Variants in ATP11C observed in about 807,000 individuals in gnomAD.
ATP11C encodes the protein ATPase phospholipid transporting 11C (ATP11C blood group).
Under a neutral mutation model 97.4 loss-of-function variants are expected in ATP11C, and 36 were observed. That is an observed-to-expected ratio of 0.37 (90% confidence interval 0.28 to 0.49). The LOEUF is 0.49. ATP11C is among the 20% of genes least tolerant of loss of function. The pLI, the probability that ATP11C is intolerant of heterozygous loss-of-function variation, is 0.98. For missense variants in ATP11C, 730 were observed against 824.6 expected (o/e 0.89, Z 1.40); for synonymous variants, 275 against 290.9 (o/e 0.95, Z 0.56).
At position 139,750,108 on chromosome X, in the gene ATP11C, GA is replaced by G; in HGVS notation, c.2744del (p.Phe915SerfsTer21). 1 of 1,205,181 alleles carries G rather than the reference GA, an allele frequency of 8.3e-7. No individual in the cohort carries two copies. Among genetic ancestry groups the G allele is most frequent in the Non-Finnish European group, 1.1e-6 (1 of 890,744 alleles). On this transcript the variant is annotated frameshift_variant, in exon 24 of 30. Transcript: ENST00000682941. LOFTEE classifies it high-confidence loss of function. ...AAYLTMYNICFTSLPILAYSL... is the reference protein window; with the variant it reads ...AAYLTMYNICXTSLPILAYSL... ...TATAGGCCAGGATGGGCAAGGATGTGAAGCAGATATTGTACATTGTAAGGTA... is the reference window on the plus strand; with the variant it reads ...TATAGGCCAGGATGGGCAAGGATGTGAGCAGATATTGTACATTGTAAGGTA...
intron 1 of ATP11C, among the ~76,000 whole-genome samples, chrX:139,830,088 C>G (rs759943202): frequency 1.2e-4 from 14 of 112,102 alleles, no homozygotes; most frequent in Non-Finnish European, 2.3e-4. Flanking sequence ...GCAAAAGGAT[C>G]TGAAATAAAG....
chrX:139,828,684 G>T (rs1193777474), intron 1 of ATP11C, among the ~76,000 whole-genome samples: 3 of 112,008 alleles, frequency 2.7e-5, no homozygotes, highest in Non-Finnish European at 5.6e-5. Context: ...ATGAGGCAGG[G>T]TTACCTTTTA....
chrX:139,890,762 T>A (rs959700312), intron 1 of ATP11C, among the ~76,000 whole-genome samples: 3 of 109,351 alleles, frequency 2.7e-5, no homozygotes, highest in Non-Finnish European at 5.7e-5. Context: ...TGGGCAGGAG[T>A]GGGGGGTGTA....
chrX:139,759,480 C>T (rs948308372), intron 22 of ATP11C, among the ~76,000 whole-genome samples: 8 of 111,146 alleles, frequency 7.2e-5, no homozygotes, highest in African/African-American at 2.6e-4. Flanking sequence ...AAAGCTGAGA[C>T]GGTGGAGAGT....
intron 1 of ATP11C, among the ~76,000 whole-genome samples, chrX:139,884,514 G>T (rs911648030): frequency 1.8e-5 from 2 of 111,738 alleles, no homozygotes; most frequent in African/African-American, 6.5e-5. Context: ...ATTTTGATGA[G>T]GTCTTGCTAT....
chrX:139,936,750 G>T (rs893872768), upstream of ATP11C, among the ~76,000 whole-genome samples: 2 of 110,632 alleles, frequency 1.8e-5, no homozygotes, highest in Admixed American at 1.9e-4. Flanking sequence ...TCTCACCATG[G>T]CAAGTGAGCA....
At chrX:139,840,877 G>C (rs1055557682) in intron 1 of ATP11C, among the ~76,000 whole-genome samples, 1 of 110,741 alleles carries the variant, frequency 9.0e-6, no homozygotes, top group East Asian at 2.8e-4. Context: ...GGGTGGGAAG[G>C]GGGTGAGGGA....
chrX:139,797,207 T>G lies in ATP11C; in HGVS notation c.977A>C (p.Gln326Pro). 8.3e-7 allele frequency: 1 copy of G among 1,203,590 alleles called. No homozygotes were observed. The highest frequency in any genetic ancestry group is 1.1e-6 in the Non-Finnish European group (1 of 892,990). Residue 326 changes from glutamine (Q) to proline (P), a missense_variant, in exon 11 of 30, where the codon CAA becomes CCA. Gln to Pro is a moderately conservative substitution (Grantham distance 76). Transcript: ENST00000682941. ...TPYNDEPWYN[Q>P]KTQKERETLK... Reference sequence around the variant, plus strand: ...GGTCTCTCGCTCTTTCTGAGTCTTTTGGTTATACCAAGGTTCATCATTGTA... The same window carrying G: ...GGTCTCTCGCTCTTTCTGAGTCTTTGGGTTATACCAAGGTTCATCATTGTA...
At chrX:139,837,728 T>C (rs370253606) in intron 1 of ATP11C, among the ~76,000 whole-genome samples, 12 of 112,273 alleles carry the variant, frequency 1.1e-4, no homozygotes, top group Admixed American at 2.8e-4. Flanking sequence ...TGAGGACTGA[T>C]AGACCTCAAA....
At chrX:139,861,260 T>C (rs924480053) in intron 1 of ATP11C, among the ~76,000 whole-genome samples, 1 of 110,989 alleles carries the variant, frequency 9.0e-6, no homozygotes, top group Non-Finnish European at 1.9e-5. Flanking sequence ...AGAAAAAGAG[T>C]AGATCTGAGA....
At chrX:139,923,354 AC>A (rs1393398397) in intron 1 of ATP11C, among the ~76,000 whole-genome samples, 1 of 111,356 alleles carries the variant, frequency 9.0e-6, no homozygotes, top group Non-Finnish European at 1.9e-5. Context: ...CTGAATGCCT[AC>A]TGCACTTACT....
chrX:139,862,036 C>T (rs2084208400), intron 1 of ATP11C, among the ~76,000 whole-genome samples: 1 of 111,746 alleles, frequency 8.9e-6, no homozygotes, highest in Non-Finnish European at 1.9e-5. Context: ...TCTGAACAGA[C>T]AAGCCTTGCT....
At position 139,785,808 on chromosome X, in the gene ATP11C, G is replaced by T. The variant is rs943725578; in HGVS notation, c.1593-509C>A. Among the ~76,000 whole-genome samples the T allele has an allele frequency of 6.3e-5, 7 of 111,361 alleles. No individual in the cohort carries two copies. In the Admixed American group the frequency reaches 6.7e-4, roughly 11 times the overall value. On this transcript the variant is annotated intron_variant, in intron 15 of 29. Transcript: ENST00000682941. ...AAAGGCACTTACAGGGAAGATATAA[G>T]AACACAGAAGGAAGTCATCTGAAAG...
At chrX:139,796,946 T>C (rs1376355011) in intron 11 of ATP11C, among the ~76,000 whole-genome samples, 1 of 111,438 alleles carries the variant, frequency 9.0e-6, no homozygotes, top group African/African-American at 3.3e-5. Context: ...CTTTTCTTTT[T>C]CTTTCTTTTA....
At chrX:139,772,776 C>T (rs1016216422) in intron 19 of ATP11C, among the ~76,000 whole-genome samples, 1 of 111,736 alleles carries the variant, frequency 8.9e-6, no homozygotes, top group African/African-American at 3.3e-5. Context: ...ACCTGTACCC[C>T]CATTGTATCT....
intron 17 of ATP11C, among the ~76,000 whole-genome samples, 187 bp from the exon 18 acceptor site, chrX:139,782,915 C>T (rs1263341840): frequency 8.9e-6 from 1 of 111,820 alleles, no homozygotes; most frequent in Non-Finnish European, 1.9e-5. Context: ...AAGGAAGTAA[C>T]AGTTCTTTTA....
rs1414058519 is a variant in ATP11C at position 139,774,714 on chromosome X, G to A, written c.2192C>T (p.Pro731Leu). ...CTTTTTAAAGCTTCTAGTACTTTTAGGAAACTCATGCAGCAATTTCTTGCG... is the reference window on the plus strand; with the variant it reads ...CTTTTTAAAGCTTCTAGTACTTTTAAGAAACTCATGCAGCAATTTCTTGCG... ...EYRKKLLHEF[P>L]KSTRSFKKAW... The change falls in exon 19 of 30, where the codon CCT becomes CTT. Residue 731 changes from proline (P) to leucine (L), a missense_variant. Pro to Leu is a moderately conservative substitution (Grantham distance 98, BLOSUM62 -3). Transcript: ENST00000682941. 1 of 1,208,181 alleles carries A rather than the reference G, an allele frequency of 8.3e-7. No individual in the cohort carries two copies. The highest frequency in any genetic ancestry group is 1.1e-6 in the Non-Finnish European group (1 of 893,110).
intron 27 of ATP11C, among the ~76,000 whole-genome samples, chrX:139,739,772 A>C (rs912947146): frequency 3.6e-5 from 4 of 111,452 alleles, no homozygotes; most frequent in Non-Finnish European, 7.6e-5. Flanking sequence ...TGCTGATTAC[A>C]TAGATTCATA....
chrX:139,790,445 TTC>T (rs1217777441), intron 12 of ATP11C, among the ~76,000 whole-genome samples: 7 of 96,657 alleles, frequency 7.2e-5, no homozygotes, highest in Non-Finnish European at 8.1e-5. Flanking sequence ...GACCACTTAT[TTC>T]TCTCTCTCTC....
Sources: gnomAD v4.1 joint callset for allele counts (sites outside exome capture counted in the v4.1 genomes callset) on GRCh38, gnomAD v4.1.1 for gene constraint, MANE v1.5 for transcripts, NCBI Gene and HGNC (gene_info 2026-07-23, HGNC 2026-07-21) for gene names.